Variants in BARHL1 observed in about 807,000 individuals in gnomAD.
The protein encoded by BARHL1 is barH-like 1 homeobox protein.
BARHL1 carries 2 observed loss-of-function variants against 20.1 expected under a neutral mutation model. That is an observed-to-expected ratio of 0.10 (90% CI 0.04 to 0.31). The LOEUF (loss-of-function observed/expected upper bound fraction) is 0.31. Ranked by LOEUF, BARHL1 falls within the 10% of genes least tolerant of loss-of-function variation. The probability of loss-of-function intolerance (pLI) is 1.00; values close to 1 mark genes in which losing one functional copy is unlikely to be tolerated. For missense variants in BARHL1, 397 were observed against 454.0 expected (o/e 0.87, Z 1.14); for synonymous variants, 213 against 209.9 (o/e 1.01, Z -0.13).
At chr9:132,584,822 G>C (rs957924340) in intron 1 of BARHL1, among the ~76,000 whole-genome samples, 5 of 152,222 alleles carry the variant, frequency 3.3e-5, no homozygotes, top group African/African-American at 1.2e-4. Flanking sequence ...GCTTAGAGAG[G>C]CAAAGAAAAC....
chr9:132,585,667 G>A (rs766069359), intron 1 of BARHL1, among the ~76,000 whole-genome samples: 4 of 152,136 alleles, frequency 2.6e-5, no homozygotes, highest in Non-Finnish European at 4.4e-5. Context: ...TACCCCCTGG[G>A]CTGAGCCTAT....
At position 132,583,217 on chromosome 9, in the gene BARHL1, G is replaced by C. The variant is rs773368893; in HGVS notation, c.420G>C (p.Lys140Asn). The change falls in exon 1 of 3, where the codon AAG becomes AAC. Residue 140 changes from lysine to asparagine, a missense_variant. By Grantham distance (94) the Lys-to-Asn change is moderately conservative. Transcript: ENST00000263610. Reference sequence around the variant, plus strand: ...AGGCCGCGGAGGACTTTAGAGACAAGCTGGACAAAAGTGGCAGCAACGCCT... The same window carrying C: ...AGGCCGCGGAGGACTTTAGAGACAACCTGGACAAAAGTGGCAGCAACGCCT... ...AAKAAEDFRDKLDKSGSNASS... is the reference protein window; with the variant it reads ...AAKAAEDFRDNLDKSGSNASS... 2.5e-6 allele frequency: 4 copies of C among 1,613,184 alleles called. No homozygotes were observed. The highest frequency in any genetic ancestry group is 3.4e-6 in the Non-Finnish European group (4 of 1,179,768).
chr9:132,589,802 C>G lies in BARHL1; in HGVS notation c.*280C>G. 3.1e-6 allele frequency: 1 copy of G among 321,470 alleles called. No individual in the cohort carries two copies. Among genetic ancestry groups the G allele is most frequent in the Non-Finnish European group, 5.5e-6 (1 of 180,600 alleles). The allele number at this position is 321,470 out of a possible 1,614,324, so 19.9% of individuals were successfully genotyped here. ...GTGTACATACGCGTCTCTGCCACTC[C>G]CCACCCCCAGCCTCTGCCGGCTCCC... On this transcript the variant is annotated 3_prime_UTR_variant, in exon 3 of 3. Transcript: ENST00000263610.
Position 132,583,238 on chromosome 9 carries a change from C to A in BARHL1, c.441C>A (p.Asn147Lys). The change falls in exon 1 of 3, where the codon AAC becomes AAA. Residue 147 changes from asparagine (N) to lysine (K), a missense_variant. Physicochemically the swap from Asn to Lys is moderately conservative, Grantham distance 94 (BLOSUM62 0). Coordinates refer to ENST00000263610, the MANE Select transcript of BARHL1 (RefSeq NM_020064.4). ...ACAAGCTGGACAAAAGTGGCAGCAA[C>A]GCCTCATCGGACTCTGAGTATAAAG... Reference protein sequence around the residue: ...FRDKLDKSGSNASSDSEYKVK... With the variant: ...FRDKLDKSGSKASSDSEYKVK... 1.2e-6 allele frequency: 2 copies of A among 1,612,150 alleles called. No individual in the cohort carries two copies. The highest frequency in any genetic ancestry group is 2.2e-5 in the East Asian group (1 of 44,852).
At chr9:132,586,980 G>T (rs1227201913) in intron 1 of BARHL1, among the ~76,000 whole-genome samples, 1 of 152,260 alleles carries the variant, frequency 6.6e-6, no homozygotes, top group Admixed American at 6.5e-5. Flanking sequence ...TACGCTGGCA[G>T]GCTGGGTCCG....
intron 1 of BARHL1, among the ~76,000 whole-genome samples, chr9:132,584,121 A>AGAATGAAT (rs1305183805): frequency 2.8e-5 from 4 of 144,218 alleles, no homozygotes; most frequent in African/African-American, 1.0e-4. Context: ...AAGGAAAGGG[A>AGAATGAAT]GAAGGAAGGA....
chr9:132,588,851 C>T lies in BARHL1; in HGVS notation c.690-377C>T, dbSNP rs1447252004. 6.6e-5 allele frequency among the ~76,000 whole-genome samples: 10 copies of T among 152,098 alleles called. No individual in the cohort carries two copies. In the East Asian group the frequency reaches 1.5e-3, roughly 24 times the overall value. On this transcript the variant is annotated intron_variant, in intron 2 of 2. Coordinates refer to ENST00000263610, the MANE Select transcript of BARHL1 (RefSeq NM_020064.4). ...GTGATCCTACCTTCATAAAGAGGCACGCGCAGGGAGGAGCACCCCCTACCC... is the reference window on the plus strand; with the variant it reads ...GTGATCCTACCTTCATAAAGAGGCATGCGCAGGGAGGAGCACCCCCTACCC...
chr9:132,589,456 CAGCGAGCCGCCCCCG>C lies in BARHL1; in HGVS notation c.919_933del (p.Ser307_Pro311del). 1.3e-6 allele frequency: 2 copies of C among 1,519,574 alleles called. No homozygotes were observed. The highest frequency in any genetic ancestry group is 8.8e-7 in the Non-Finnish European group (1 of 1,137,888). 94.1% of individuals were successfully genotyped at this position (1,519,574 alleles called of 1,614,324 possible). A position where few individuals can be genotyped will look rare whatever the true frequency, so the allele number is the denominator to read the frequency against. ...TCCTCATCCACGGACTCCAGGGCGC[CAGCGAGCCGCCCCCG>C]CCGCTGCCCCCCCTGGCCGGCGTCC... is the stretch of plus-strand genomic sequence containing the variant. On this transcript the variant is annotated inframe_deletion, in exon 3 of 3. Coordinates refer to ENST00000263610, the MANE Select transcript of BARHL1 (RefSeq NM_020064.4).
In BARHL1 at chr9:132,587,214, G is replaced by T; in HGVS notation, c.467-115G>T. The T allele has an allele frequency of 9.8e-7, 1 of 1,021,084 alleles. No homozygotes were observed. The highest frequency in any genetic ancestry group is 1.6e-5 in the African/African-American group (1 of 63,130). 63.3% of individuals were successfully genotyped at this position (1,021,084 alleles called of 1,614,324 possible). On this transcript the variant is annotated intron_variant, in intron 1 of 2. Coordinates refer to ENST00000263610, the MANE Select transcript of BARHL1 (RefSeq NM_020064.4). The surrounding 1 kb of genome is among the most constrained non-coding windows in gnomAD (Gnocchi z 5.5). ...CTGAGAGCGGCCCCCGCGAGCTTGG[G>T]TGTCGCGGAACCACCGCTGTCGGAA...
rs779184679 is a variant in BARHL1, at chr9:132,589,432, C to T, written c.894C>T (p.Ile298=). 1.4e-5 allele frequency: 22 copies of T among 1,607,912 alleles called. No individual in the cohort carries two copies. The highest frequency in any genetic ancestry group is 1.8e-5 in the Non-Finnish European group (21 of 1,178,072). The change falls in exon 3 of 3, where the codon ATC becomes ATT. Residue 298 remains isoleucine (I), a synonymous_variant. Coordinates refer to ENST00000263610, the MANE Select transcript of BARHL1 (RefSeq NM_020064.4). ...TCCAGAGACCTCTGGTGCCCCGCAT[C>T]CTCATCCACGGACTCCAGGGCGCCA... is the stretch of plus-strand genomic sequence containing the variant. ...PALQRPLVPR[I]LIHGLQGASE...
rs1204346501 is a variant in BARHL1, at chr9:132,587,523, C to G, written c.661C>G (p.Gln221Glu). ...LAASLNLTDT[Q>E]VKTWYQNRRT... ...CGCCTCGCTCAACCTCACCGACACG[C>G]AGGTCAAGACCTGGTACCAGAACCG... Residue 221 changes from glutamine (Q) to glutamate (E), a missense_variant, in exon 2 of 3, where the codon CAG becomes GAG. Transcript: ENST00000263610. The surrounding 1 kb of genome is among the most constrained non-coding windows in gnomAD (Gnocchi z 5.5). 1 of 1,612,000 alleles carries G rather than the reference C, an allele frequency of 6.2e-7. No individual in the cohort carries two copies. Among genetic ancestry groups the G allele is most frequent in the Non-Finnish European group, 8.5e-7 (1 of 1,179,336 alleles).
chr9:132,588,934 G>C (rs796645466), intron 2 of BARHL1, among the ~76,000 whole-genome samples: 1 of 152,156 alleles, frequency 6.6e-6, no homozygotes, highest in South Asian at 2.1e-4. Flanking sequence ...TTAGAGCCGG[G>C]CTTTGGGGTC....
Position 132,589,484 on chromosome 9 carries a change from C to G in BARHL1, c.946C>G (p.Leu316Val), listed in dbSNP as rs778119916. The G allele has an allele frequency of 5.4e-6, 8 of 1,479,194 alleles. No individual in the cohort carries two copies. Among genetic ancestry groups the G allele is most frequent in the Admixed American group, 2.5e-5 (1 of 39,726 alleles). The allele number at this position is 1,479,194 out of a possible 1,614,324, so 91.6% of individuals were successfully genotyped here. A position where few individuals can be genotyped will look rare whatever the true frequency, so the allele number is the denominator to read the frequency against. Residue 316 changes from leucine (L) to valine (V), a missense_variant, in exon 3 of 3, where the codon CTG (leucine) becomes GTG (valine). Physicochemically the swap from Leu to Val is conservative, Grantham distance 32. Around this residue, in one of 3 missense-constraint regions of BARHL1, gnomAD observed 121 missense variants for 135.9 expected, o/e 0.89. Coordinates refer to ENST00000263610, the MANE Select transcript of BARHL1 (RefSeq NM_020064.4). ...CGAGCCGCCCCCGCCGCTGCCCCCCCTGGCCGGCGTCCTCCCACGCGCCGC... is the reference window on the plus strand; with the variant it reads ...CGAGCCGCCCCCGCCGCTGCCCCCCGTGGCCGGCGTCCTCCCACGCGCCGC... ...ASEPPPPLPP[L>V]AGVLPRAAQP...
In BARHL1 at chr9:132,587,568, G is replaced by C. The variant is rs1307688006; in HGVS notation, c.689+17G>C. On this transcript the variant is annotated intron_variant, in intron 2 of 2. Coordinates refer to ENST00000263610, the MANE Select transcript of BARHL1 (RefSeq NM_020064.4). This position sits in a 1 kb window ranked among gnomAD's most constrained non-coding sequence, Gnocchi z 5.5. ...GAACCGCAGGTGAGGCCTGGCTGCG[G>C]GGGTAGAGGCAGAAAGGGAACTTCC... 6.3e-7 allele frequency: 1 copy of C among 1,594,572 alleles called. No individual in the cohort carries two copies. The highest frequency in any genetic ancestry group is 1.3e-5 in the African/African-American group (1 of 74,546).
At position 132,589,312 on chromosome 9, in the gene BARHL1, G is replaced by A. The variant is rs922543244; in HGVS notation, c.774G>A (p.Pro258=). 24 of 1,613,424 alleles carry A rather than the reference G, an allele frequency of 1.5e-5. No homozygotes were observed. The highest frequency in any genetic ancestry group is 2.0e-5 in the Non-Finnish European group (24 of 1,180,006). ...ACTCAGCGCTCCAGCGGATGTTCCCGTCGCCTTATTTCTACCCGCAGAGTC... is the reference window on the plus strand; with the variant it reads ...ACTCAGCGCTCCAGCGGATGTTCCCATCGCCTTATTTCTACCCGCAGAGTC... ...GNYSALQRMF[P]SPYFYPQSLV... is the part of the protein sequence containing the mutation. The change falls in exon 3 of 3, where the codon CCG becomes CCA. Residue 258 remains proline, a synonymous_variant. Coordinates refer to ENST00000263610, the MANE Select transcript of BARHL1 (RefSeq NM_020064.4).
chr9:132,582,808 C>T lies in BARHL1; in HGVS notation c.11C>T (p.Ser4Phe), dbSNP rs1477137197. Residue 4 changes from serine (S) to phenylalanine (F), a missense_variant, in exon 1 of 3, where the codon TCC becomes TTC. Physicochemically the swap from Ser to Phe is radical, Grantham distance 155. This residue lies in a region of BARHL1 where 272 missense variants were observed against 298.7 expected (regional missense o/e 0.91). Coordinates refer to ENST00000263610, the MANE Select transcript of BARHL1 (RefSeq NM_020064.4). Reference protein sequence around the residue: MEGSNGFGIDSILS... With the variant: MEGFNGFGIDSILS... ...GGTCGCAGCTTGGCTATGGAAGGCT[C>T]CAATGGCTTTGGGATCGACTCCATT... 1.4e-5 allele frequency: 22 copies of T among 1,591,870 alleles called. 1 individual carries two copies. The highest frequency in any genetic ancestry group is 1.8e-5 in the Non-Finnish European group (21 of 1,165,192).
rs1463011930 is a variant in BARHL1 at position 132,587,104 on chromosome 9, G to C, written c.467-225G>C. ...GGGTTCTTTCTCCCCGGAGCTGCCC[G>C]GGGGGTCTCGGCCTCGGGCGCTCCC... On this transcript the variant is annotated intron_variant, in intron 1 of 2. Transcript: ENST00000263610. The surrounding 1 kb of genome is among the most constrained non-coding windows in gnomAD (Gnocchi z 5.5). Among the ~76,000 whole-genome samples the C allele has an allele frequency of 6.6e-6, 1 of 151,950 alleles. No homozygotes were observed. The highest frequency in any genetic ancestry group is 1.5e-5 in the Non-Finnish European group (1 of 67,812).
In BARHL1 at chr9:132,589,660, C is replaced by T. The variant is rs1299283882; in HGVS notation, c.*138C>T. ...CTCCCTGGCGCCCCAGCCCAGTGCC[C>T]CCCGAAGGGCCAAATGCCAAGTCCA... On this transcript the variant is annotated 3_prime_UTR_variant, in exon 3 of 3. Coordinates refer to ENST00000263610, the MANE Select transcript of BARHL1 (RefSeq NM_020064.4). 3.5e-6 allele frequency: 4 copies of T among 1,151,656 alleles called. No homozygotes were observed. The highest frequency in any genetic ancestry group is 2.2e-6 in the Non-Finnish European group (2 of 921,194). The allele number at this position is 1,151,656 out of a possible 1,614,324, so 71.3% of individuals were successfully genotyped here. A position where few individuals can be genotyped will look rare whatever the true frequency, so the allele number is the denominator to read the frequency against.
intron 1 of BARHL1, among the ~76,000 whole-genome samples, chr9:132,584,260 G>A (rs1474128241): frequency 6.6e-6 from 1 of 152,148 alleles, no homozygotes; most frequent in East Asian, 1.9e-4. Flanking sequence ...AAAGCCAGAG[G>A]CACAAAGTTC....
Sources: allele counts gnomAD v4.1 joint callset (sites outside exome capture counted in the v4.1 genomes callset), GRCh38; gene constraint gnomAD v4.1.1; regional missense constraint gnomAD v4.1.1; non-coding constraint Gnocchi (gnomAD v3.1); transcripts MANE v1.5; gene names NCBI Gene and HGNC (gene_info 2026-07-23, HGNC 2026-07-21).